GPHN: variants seen among roughly 807,000 people sequenced by gnomAD.
The protein encoded by GPHN is gephyrin.
In GPHN, 17 loss-of-function variants were observed where a neutral mutation model predicts 95.5. The observed-to-expected ratio is 0.18, with a 90% CI of 0.12 to 0.27. GPHN has a LOEUF of 0.27. GPHN is among the 10% of genes least tolerant of loss of function. The pLI, the probability that GPHN is intolerant of heterozygous loss-of-function variation, is 1.00. For synonymous variants in GPHN, 320 were observed against 322.5 expected (o/e 0.99, Z 0.08); for missense variants, 660 against 978.1 (o/e 0.67, Z 4.34).
At chr14:66,688,199 G>A (rs1481108723) in intron 2 of GPHN, among the ~76,000 whole-genome samples, 2 of 152,184 alleles carry the variant, frequency 1.3e-5, no homozygotes, top group Non-Finnish European at 2.9e-5. Flanking sequence ...CTAAGTCAAA[G>A]TAGATCAAGA....
At chr14:67,601,159 C>T in the GPHN span, among the ~76,000 whole-genome samples, 1 of 151,960 alleles carries the variant, frequency 6.6e-6, no homozygotes, top group African/African-American at 2.4e-5. Flanking sequence ...GGCAGTCAGG[C>T]GAAGTCTCTA....
the GPHN span, among the ~76,000 whole-genome samples, chr14:67,455,525 G>T: frequency 6.6e-6 from 1 of 152,228 alleles, no homozygotes; most frequent in South Asian, 2.1e-4. Flanking sequence ...TACACATCAT[G>T]TGATATCTAA....
At chr14:67,212,149 G>A in the GPHN span, among the ~76,000 whole-genome samples, 29 of 152,166 alleles carry the variant, frequency 1.9e-4, no homozygotes, top group African/African-American at 6.8e-4. Context: ...AAACACACTA[G>A]GTACATTGTA....
intron 6 of GPHN, 51 bp downstream of exon 6, chr14:66,916,120 C>G: frequency 8.0e-7 from 1 of 1,257,454 alleles, no homozygotes; most frequent in Admixed American, 1.7e-5. Flanking sequence ...TTTGACCAGC[C>G]GTGAAAGTTA....
chr14:67,589,740 T>C, the GPHN span: 2 of 1,016,144 alleles, frequency 2.0e-6, no homozygotes, highest in East Asian at 9.1e-5. Flanking sequence ...CAGTTTCCCA[T>C]TGTTTTGCTT....
chr14:67,158,544 A>G (rs2081761624), intron 18 of GPHN, among the ~76,000 whole-genome samples: 1 of 152,168 alleles, frequency 6.6e-6, no homozygotes, highest in South Asian at 2.1e-4. Context: ...AGTACCTAAT[A>G]GTTTGTGAAA....
chr14:66,744,148 C>T (rs982873870), intron 2 of GPHN, among the ~76,000 whole-genome samples: 1 of 152,134 alleles, frequency 6.6e-6, no homozygotes, highest in African/African-American at 2.4e-5. Flanking sequence ...CTGCCTATAA[C>T]CTGATTATAA....
chr14:66,802,375 C>G (rs903694846), intron 3 of GPHN, among the ~76,000 whole-genome samples: 5 of 152,128 alleles, frequency 3.3e-5, no homozygotes, highest in Non-Finnish European at 2.9e-5. Context: ...GGTATACCCT[C>G]TGGCCCAGGG....
At chr14:67,515,437 G>A in the GPHN span, 1 of 184,866 alleles carries the variant, frequency 5.4e-6, no homozygotes, top group South Asian at 1.2e-4. Context: ...GGCGGCGGCG[G>A]CACTCACCCA....
chr14:67,525,797 G>T, the GPHN span, among the ~76,000 whole-genome samples: 1 of 152,312 alleles, frequency 6.6e-6, no homozygotes, highest in East Asian at 1.9e-4. Context: ...AAAGAACCAT[G>T]ATCTTCTCAG....
chr14:67,655,354 T>G, the GPHN span, among the ~76,000 whole-genome samples: 1 of 152,204 alleles, frequency 6.6e-6, no homozygotes, highest in Admixed American at 6.5e-5. Context: ...CCTATGTAGG[T>G]TAACTCATTT....
At chr14:67,160,138 T>G (rs2081886837) in intron 19 of GPHN, among the ~76,000 whole-genome samples, 1 of 152,176 alleles carries the variant, frequency 6.6e-6, no homozygotes, top group Admixed American at 6.5e-5. Flanking sequence ...TATTTGTTTG[T>G]TAAGTCTCTA....
chr14:66,880,102 C>A (rs1376889182), intron 5 of GPHN, 69 bp downstream of exon 5: 4 of 973,184 alleles, frequency 4.1e-6, no homozygotes, highest in Admixed American at 1.8e-5. Context: ...TAAAAAAAAT[C>A]TACACTTTGG....
chr14:67,563,815 C>T, the GPHN span, among the ~76,000 whole-genome samples: 1 of 150,934 alleles, frequency 6.6e-6, no homozygotes, highest in Non-Finnish European at 1.5e-5. Flanking sequence ...CTCACTGCAA[C>T]CTCCGCCTCC....
chr14:66,689,595 C>T (rs1272477638), intron 2 of GPHN, among the ~76,000 whole-genome samples: 1 of 152,148 alleles, frequency 6.6e-6, no homozygotes, highest in Non-Finnish European at 1.5e-5. Context: ...GCCTCCTTCT[C>T]AATTTTCTGG....
intron 10 of GPHN, among the ~76,000 whole-genome samples, chr14:67,025,179 G>A (rs2073860942): frequency 6.6e-6 from 1 of 152,090 alleles, no homozygotes. Context: ...GGACTCCTTT[G>A]ATAATCTAAC....
chr14:67,444,693 T>C, the GPHN span, among the ~76,000 whole-genome samples: 1 of 152,120 alleles, frequency 6.6e-6, no homozygotes, highest in Admixed American at 6.5e-5. Flanking sequence ...GATTAGAAGG[T>C]GGGAACTTTC....
At chr14:67,311,147 C>G in the GPHN span, among the ~76,000 whole-genome samples, 1 of 151,900 alleles carries the variant, frequency 6.6e-6, no homozygotes, top group South Asian at 2.1e-4. Context: ...CCTGTTTCTA[C>G]TAAACATACA....
At position 66,827,162 on chromosome 14, in the gene GPHN, G is replaced by A. The variant is rs187250898; in HGVS notation, c.294+2596G>A. ...TAGCTGGGCATGGTGGCACACGCCT[G>A]TAATCCCAGCTACTTGGGTAGCTGA... On this transcript the variant is annotated intron_variant, in intron 4 of 22. Coordinates refer to ENST00000478722, the MANE Select transcript of GPHN (RefSeq NM_020806.5). 3.8e-3 allele frequency among the ~76,000 whole-genome samples: 581 copies of A among 152,208 alleles called. 5 individuals are homozygous for A. Among genetic ancestry groups the A allele is most frequent in the African/African-American group, 0.013 (558 of 41,548 alleles).
Sources: allele counts gnomAD v4.1 joint callset (sites outside exome capture counted in the v4.1 genomes callset), GRCh38; gene constraint gnomAD v4.1.1; transcripts MANE v1.5; gene names NCBI Gene and HGNC (gene_info 2026-07-23, HGNC 2026-07-21).